Variants in CADM2 observed in about 807,000 individuals in gnomAD.
CADM2 encodes the protein immunoglobulin superfamily member 4D.
In CADM2, 12 loss-of-function variants were observed where a neutral mutation model predicts 49.8. The ratio of observed to expected loss-of-function variants is 0.24; its 90% CI spans 0.15 to 0.39. CADM2 has a LOEUF of 0.39. CADM2 is among the 10% of genes least tolerant of loss of function. CADM2 has a pLI of 1.00. For synonymous variants in CADM2, 214 were observed against 175.4 expected (o/e 1.22, Z -1.74); for missense variants, 378 against 492.3 (o/e 0.77, Z 2.20).
intron 1 of CADM2, among the ~76,000 whole-genome samples, chr3:85,631,585 G>T (rs1469034914): frequency 2.0e-5 from 3 of 151,988 alleles, no homozygotes; most frequent in African/African-American, 7.2e-5. Context: ...AAGAAAAGGA[G>T]AAAGTTAACA....
intron 1 of CADM2, among the ~76,000 whole-genome samples, chr3:85,560,082 G>A (rs1320801273): frequency 6.6e-6 from 1 of 152,116 alleles, no homozygotes; most frequent in Admixed American, 6.6e-5. Flanking sequence ...TAATGTGCTT[G>A]TTTATGGATT....
intron 8 of CADM2, among the ~76,000 whole-genome samples, chr3:85,986,749 T>A (rs1416622062): frequency 6.6e-6 from 1 of 152,066 alleles, no homozygotes; most frequent in African/African-American, 2.4e-5. Context: ...GAAAACAAGG[T>A]AGAAATGCTT....
intron 3 of CADM2, among the ~76,000 whole-genome samples, chr3:85,855,325 C>T (rs1165718259): frequency 6.6e-6 from 1 of 152,044 alleles, no homozygotes; most frequent in East Asian, 1.9e-4. Context: ...GTACCATGCA[C>T]TGCCCTTCAG....
chr3:85,434,249 G>A lies in CADM2; in HGVS notation c.62-292273G>A, dbSNP rs560132711. On this transcript the variant is annotated intron_variant, in intron 1 of 9. Transcript: ENST00000383699. Reference sequence around the variant, plus strand: ...ATTATTTTTATCAGCTAAAATCAATGTGTAACTTAATTTATACAATGTCAG... The same window carrying A: ...ATTATTTTTATCAGCTAAAATCAATATGTAACTTAATTTATACAATGTCAG... 2.6e-5 allele frequency among the ~76,000 whole-genome samples: 4 copies of A among 151,950 alleles called. No individual in the cohort carries two copies. The East Asian group carries it at 5.8e-4, about 22-fold the overall frequency.
At chr3:85,536,357 T>G (rs2106997601) in intron 1 of CADM2, among the ~76,000 whole-genome samples, 1 of 152,062 alleles carries the variant, frequency 6.6e-6, no homozygotes, top group Admixed American at 6.6e-5. Flanking sequence ...TCTAATTGGC[T>G]TGATCATATC....
At chr3:85,199,973 A>G (rs1241091860) in intron 1 of CADM2, among the ~76,000 whole-genome samples, 1 of 152,046 alleles carries the variant, frequency 6.6e-6, no homozygotes, top group African/African-American at 2.4e-5. Flanking sequence ...TGCATAATGC[A>G]TATATCAGTG....
intron 8 of CADM2, among the ~76,000 whole-genome samples, chr3:86,021,269 G>GTGT (rs1436936780): frequency 3.3e-5 from 5 of 152,056 alleles, no homozygotes; most frequent in Admixed American, 6.6e-5. Flanking sequence ...CAAAGTGCTG[G>GTGT]GATTTCAAGT....
In CADM2 at chr3:86,042,773, C is replaced by A. The variant is rs186709149; in HGVS notation, c.971-22832C>A. On this transcript the variant is annotated intron_variant, in intron 8 of 9. Coordinates refer to ENST00000383699, the MANE Select transcript of CADM2 (RefSeq NM_001167675.2). Reference sequence around the variant, plus strand: ...ATACCAAAGCCTGGCAAAGACACAACAAAAAATGACTATTTTAGACCAATA... The same window carrying A: ...ATACCAAAGCCTGGCAAAGACACAAAAAAAAATGACTATTTTAGACCAATA... Among the ~76,000 whole-genome samples, 613 of 152,150 alleles carry A rather than the reference C, an allele frequency of 4.0e-3. 2 individuals are homozygous for A. The highest frequency in any genetic ancestry group is 0.037 in the Middle Eastern group (11 of 294).
chr3:85,244,825 A>G (rs1383347486), intron 1 of CADM2, among the ~76,000 whole-genome samples: 1 of 152,210 alleles, frequency 6.6e-6, no homozygotes, highest in Admixed American at 6.5e-5. Flanking sequence ...AATCTGTAGA[A>G]GAAATATTAC....
intron 5 of CADM2, among the ~76,000 whole-genome samples, chr3:85,894,850 C>T (rs1289357828): frequency 2.0e-5 from 3 of 152,154 alleles, no homozygotes; most frequent in African/African-American, 7.2e-5. Flanking sequence ...CTTGTGGGTA[C>T]AAAAACTCAA....
chr3:85,751,549 C>G (rs772866643), intron 2 of CADM2, among the ~76,000 whole-genome samples: 14 of 152,106 alleles, frequency 9.2e-5, no homozygotes, highest in Non-Finnish European at 1.8e-4. Context: ...TCAATACACC[C>G]ATGTGTTGAG....
intron 1 of CADM2, among the ~76,000 whole-genome samples, chr3:85,187,468 A>G (rs2041092502): frequency 6.6e-6 from 1 of 152,124 alleles, no homozygotes; most frequent in Non-Finnish European, 1.5e-5. Flanking sequence ...TGGCTATACT[A>G]AACAATAAAA....
chr3:85,464,156 T>A (rs1235718158), intron 1 of CADM2, among the ~76,000 whole-genome samples: 1 of 152,164 alleles, frequency 6.6e-6, no homozygotes, highest in Non-Finnish European at 1.5e-5. Flanking sequence ...AAGCTTTATA[T>A]ATTTATAAAT....
intron 1 of CADM2, among the ~76,000 whole-genome samples, chr3:85,405,594 A>AT (rs912043674): frequency 1.3e-5 from 2 of 152,162 alleles, no homozygotes; most frequent in Admixed American, 1.3e-4. Context: ...TCAAAGATTT[A>AT]TTTTTGAGAT....
chr3:86,018,400 G>A (rs1276792966), intron 8 of CADM2, among the ~76,000 whole-genome samples: 1 of 150,946 alleles, frequency 6.6e-6, no homozygotes, highest in Non-Finnish European at 1.5e-5. Flanking sequence ...CCCAGTAATG[G>A]GATGGCTGGG....
At chr3:84,974,319 T>A (rs1232378405) in intron 1 of CADM2, among the ~76,000 whole-genome samples, 1 of 152,014 alleles carries the variant, frequency 6.6e-6, no homozygotes, top group African/African-American at 2.4e-5. Context: ...TTATTTGGAT[T>A]ATACACAGTA....
intron 1 of CADM2, among the ~76,000 whole-genome samples, chr3:85,397,618 T>C (rs1280283669): frequency 6.6e-6 from 1 of 152,180 alleles, no homozygotes; most frequent in African/African-American, 2.4e-5. Flanking sequence ...CTAAGTGAAA[T>C]AAGCCAGACA....
chr3:85,674,376 A>G (rs1314305712), intron 1 of CADM2, among the ~76,000 whole-genome samples: 2 of 152,148 alleles, frequency 1.3e-5, no homozygotes, highest in African/African-American at 2.4e-5. Flanking sequence ...CTGACTGTCT[A>G]AAGAATGATT....
rs4856563 is a variant in CADM2, at chr3:85,307,794, C to T, written c.61+348126C>T. Among the ~76,000 whole-genome samples, 846 of 151,550 alleles carry T rather than the reference C, an allele frequency of 5.6e-3. 31 individuals are homozygous for T. Among genetic ancestry groups the T allele is most frequent in the Admixed American group, 0.047 (715 of 15,196 alleles). On this transcript the variant is annotated intron_variant, in intron 1 of 9. Coordinates refer to ENST00000383699, the MANE Select transcript of CADM2 (RefSeq NM_001167675.2). ...TTCAAAAAATGCTGATTATTGAGCTCAAATGAACTATTTTTAAAATTTAAG... is the reference window on the plus strand; with the variant it reads ...TTCAAAAAATGCTGATTATTGAGCTTAAATGAACTATTTTTAAAATTTAAG...
Sources: allele counts gnomAD v4.1 joint callset (sites outside exome capture counted in the v4.1 genomes callset), GRCh38; gene constraint gnomAD v4.1.1; transcripts MANE v1.5; gene names NCBI Gene and HGNC (gene_info 2026-07-23, HGNC 2026-07-21).